INPP5A: variants seen among roughly 807,000 people sequenced by gnomAD.
The protein encoded by INPP5A is 43 kDa inositol polyphosphate 5-phophatase.
Under a neutral mutation model 65.2 loss-of-function variants are expected in INPP5A, and 14 were observed. The observed-to-expected ratio is 0.21, with a 90% CI of 0.14 to 0.34. The LOEUF (loss-of-function observed/expected upper bound fraction) is 0.34. INPP5A is among the 10% of genes least tolerant of loss of function. INPP5A has a pLI of 1.00. For synonymous variants in INPP5A, 207 were observed against 208.3 expected (o/e 0.99, Z 0.05); for missense variants, 431 against 545.6 (o/e 0.79, Z 2.09).
intron 1 of INPP5A, among the ~76,000 whole-genome samples, chr10:132,565,845 A>ATG (rs377619045): frequency 1.3e-5 from 2 of 150,798 alleles, no homozygotes; most frequent in African/African-American, 2.4e-5. Flanking sequence ...GTGTATGTGA[A>ATG]TGTGTGTGTG....
rs1845359155 is a variant in INPP5A, at chr10:132,697,239, G to A, written c.371-577G>A. The stretch of plus-strand genomic sequence containing the variant: ...CCATAAAAAGAAAGGCTGAGGCCTG[G>A]TTGTGAACAATAGTGAGACGGGCCC... On this transcript the variant is annotated intron_variant, in intron 5 of 15. Transcript: ENST00000368594. The surrounding 1 kb of genome is among the most constrained non-coding windows in gnomAD (Gnocchi z 5.6). Among the ~76,000 whole-genome samples, 1 of 152,266 alleles carries A rather than the reference G, an allele frequency of 6.6e-6. No individual in the cohort carries two copies. The highest frequency in any genetic ancestry group is 2.4e-5 in the African/African-American group (1 of 41,480).
chr10:132,634,492 T>A (rs2072316032), intron 2 of INPP5A, among the ~76,000 whole-genome samples: 1 of 152,258 alleles, frequency 6.6e-6, no homozygotes, highest in African/African-American at 2.4e-5. Flanking sequence ...AGGTGTCAGA[T>A]GTGGTTTTCT....
intron 11 of INPP5A, among the ~76,000 whole-genome samples, chr10:132,755,167 G>T (rs552149323): frequency 6.6e-6 from 1 of 152,122 alleles, no homozygotes; most frequent in African/African-American, 2.4e-5. Context: ...GCATATGAGC[G>T]TGTGTGAGCA....
Position 132,753,071 on chromosome 10 carries a change from C to T in INPP5A, c.903+3226C>T, listed in dbSNP as rs888376103. Among the ~76,000 whole-genome samples, 4 of 152,164 alleles carry T rather than the reference C, an allele frequency of 2.6e-5. No homozygotes were observed. The highest frequency in any genetic ancestry group is 5.9e-5 in the Non-Finnish European group (4 of 68,020). On this transcript the variant is annotated intron_variant, in intron 11 of 15. Coordinates refer to ENST00000368594, the MANE Select transcript of INPP5A (RefSeq NM_005539.5). This position sits in a 1 kb window ranked among gnomAD's most constrained non-coding sequence, Gnocchi z 5.3. The stretch of plus-strand genomic sequence containing the variant: ...CTCATGAGAAGAGCCGATGCCTCGG[C>T]GTTCCTGTCCTGCTACTCAGATCCT...
chr10:132,564,498 C>T (rs1017031121), intron 1 of INPP5A, among the ~76,000 whole-genome samples: 1 of 152,100 alleles, frequency 6.6e-6, no homozygotes, highest in African/African-American at 2.4e-5. Context: ...TCCTCCTCCT[C>T]AGAGTCACCG....
chr10:132,552,694 GA>G (rs2071071603), intron 1 of INPP5A, among the ~76,000 whole-genome samples: 1 of 147,312 alleles, frequency 6.8e-6, no homozygotes, highest in Non-Finnish European at 1.5e-5. Flanking sequence ...GAGGATTGGT[GA>G]ACGCCTTCTC....
chr10:132,741,246 A>C lies in INPP5A; in HGVS notation c.733-8271A>C, dbSNP rs74607202. Among the ~76,000 whole-genome samples the C allele has an allele frequency of 1.1e-4, 17 of 152,204 alleles. 2 individuals are homozygous for C. The East Asian group carries it at 2.9e-3, about 26-fold the overall frequency. On this transcript the variant is annotated intron_variant, in intron 9 of 15. Transcript: ENST00000368594. This position sits in a 1 kb window ranked among gnomAD's most constrained non-coding sequence, Gnocchi z 4.4. ...GGAGGACCCTGTCTCAAAAACCTAA[A>C]AATAGAGATAAATAAAAAAAGGGAC...
At position 132,675,376 on chromosome 10, in the gene INPP5A, G is replaced by A. The variant is rs1219257206; in HGVS notation, c.307-15016G>A. 6.6e-6 allele frequency among the ~76,000 whole-genome samples: 1 copy of A among 152,240 alleles called. No individual in the cohort carries two copies. The highest frequency in any genetic ancestry group is 1.9e-4 in the East Asian group (1 of 5,202). On this transcript the variant is annotated intron_variant, in intron 4 of 15. Transcript: ENST00000368594. The surrounding 1 kb of genome is among the most constrained non-coding windows in gnomAD (Gnocchi z 4.2). The stretch of plus-strand genomic sequence containing the variant: ...TGAAAAACAGTAAGTACTAACGGAT[G>A]TTCTTCAAGCGGAGAGAAAATGATC...
At chr10:132,611,270 GA>G (rs1421332455) in intron 2 of INPP5A, among the ~76,000 whole-genome samples, 6 of 140,694 alleles carry the variant, frequency 4.3e-5, no homozygotes, top group South Asian at 2.5e-4. Flanking sequence ...GGCCCTGTCA[GA>G]GGAGGATGAG....
intron 4 of INPP5A, among the ~76,000 whole-genome samples, chr10:132,654,237 C>T (rs2072620072): frequency 6.6e-6 from 1 of 152,260 alleles, no homozygotes; most frequent in Non-Finnish European, 1.5e-5. Flanking sequence ...TCAGTGGGCT[C>T]CAGCCCCGGC....
Position 132,754,992 on chromosome 10 carries a change from T to C in INPP5A, c.903+5147T>C, listed in dbSNP as rs117614431. ...AAGCAGGCATGTGTGCGGACGTGTG[T>C]GAGCAGGCATATGCATGTGAGCCTG... On this transcript the variant is annotated intron_variant, in intron 11 of 15. Transcript: ENST00000368594. Among the ~76,000 whole-genome samples, 17 of 152,214 alleles carry C rather than the reference T, an allele frequency of 1.1e-4. 2 individuals carry two copies. In the East Asian group the frequency reaches 2.9e-3, roughly 26 times the overall value.
intron 8 of INPP5A, among the ~76,000 whole-genome samples, chr10:132,722,733 G>A (rs145866212): frequency 5.9e-5 from 9 of 152,324 alleles, no homozygotes; most frequent in Admixed American, 1.3e-4. Context: ...CCTCCGCCGC[G>A]TAATGAGACC....
At chr10:132,763,784 T>C (rs1453625344) in intron 11 of INPP5A, among the ~76,000 whole-genome samples, 3 of 151,244 alleles carry the variant, frequency 2.0e-5, no homozygotes, top group Non-Finnish European at 4.4e-5. Context: ...CATAAACACA[T>C]GCCTGCATGC....
intron 4 of INPP5A, among the ~76,000 whole-genome samples, chr10:132,667,739 A>T (rs1338394319): frequency 1.3e-5 from 2 of 152,216 alleles, no homozygotes; most frequent in Non-Finnish European, 2.9e-5. Context: ...GGAGCAGATG[A>T]TGGGGAATTA....
At position 132,698,226 on chromosome 10, in the gene INPP5A, G is replaced by T. The variant is rs1490182300; in HGVS notation, c.474+307G>T. On this transcript the variant is annotated intron_variant, in intron 6 of 15. Transcript: ENST00000368594. This position sits in a 1 kb window ranked among gnomAD's most constrained non-coding sequence, Gnocchi z 5.5. ...TTCAGCTCCCTTGGCGTGCACCTGG[G>T]GTCTCCCGCACGCCCAGCTGGGAGA... 1.3e-5 allele frequency among the ~76,000 whole-genome samples: 2 copies of T among 152,134 alleles called. No individual in the cohort carries two copies. The highest frequency in any genetic ancestry group is 4.8e-5 in the African/African-American group (2 of 41,442).
Position 132,753,395 on chromosome 10 carries a change from C to T in INPP5A, c.903+3550C>T, listed in dbSNP as rs1000017382. ...CCAAGTCCATTGCATCCTTCATCAA[C>T]CGCCGGTCTTGTACCCGTCTGACAG... On this transcript the variant is annotated intron_variant, in intron 11 of 15. Transcript: ENST00000368594. This position sits in a 1 kb window ranked among gnomAD's most constrained non-coding sequence, Gnocchi z 5.3. Among the ~76,000 whole-genome samples, 4 of 152,240 alleles carry T rather than the reference C, an allele frequency of 2.6e-5. No individual in the cohort carries two copies. The highest frequency in any genetic ancestry group is 9.6e-5 in the African/African-American group (4 of 41,458).
rs528196297 is a variant in INPP5A, at chr10:132,631,541, G to C, written c.118-14327G>C. ...GGGCTTCCACTGGGGTGCTGTGCAG[G>C]ATGTAATTCCTTTTTAGGTCACTCC... On this transcript the variant is annotated intron_variant, in intron 2 of 15. Coordinates refer to ENST00000368594, the MANE Select transcript of INPP5A (RefSeq NM_005539.5). 2.5e-4 allele frequency among the ~76,000 whole-genome samples: 38 copies of C among 152,368 alleles called. 1 individual carries two copies. In the South Asian group the frequency reaches 7.9e-3, roughly 32 times the overall value.
intron 9 of INPP5A, among the ~76,000 whole-genome samples, chr10:132,747,910 A>G (rs1846400440): frequency 2.0e-5 from 3 of 152,216 alleles, no homozygotes; most frequent in East Asian, 1.9e-4. Context: ...TTAGCTGGGC[A>G]TGGTGGTGCA....
chr10:132,595,651 C>T (rs1296278526), intron 1 of INPP5A, among the ~76,000 whole-genome samples: 2 of 152,200 alleles, frequency 1.3e-5, no homozygotes, highest in African/African-American at 4.8e-5. Context: ...TCTATCTCCA[C>T]GTCATGTTTT....
Sources: allele counts gnomAD v4.1 joint callset (sites outside exome capture counted in the v4.1 genomes callset), GRCh38; gene constraint gnomAD v4.1.1; non-coding constraint Gnocchi (gnomAD v3.1); transcripts MANE v1.5; gene names NCBI Gene and HGNC (gene_info 2026-07-23, HGNC 2026-07-21).